PDE2A: variants seen among roughly 807,000 people sequenced by gnomAD.
PDE2A encodes the protein cGMP-dependent 3',5'-cyclic phosphodiesterase.
Under a neutral mutation model 133.6 loss-of-function variants are expected in PDE2A, and 53 were observed. That is an observed-to-expected ratio of 0.40 (90% CI 0.32 to 0.50). The LOEUF (loss-of-function observed/expected upper bound fraction) is 0.50, where lower values mean the gene tolerates loss of function less well. Ranked by LOEUF, PDE2A falls within the 20% of genes least tolerant of loss-of-function variation. The pLI, the probability that PDE2A is intolerant of heterozygous loss-of-function variation, is 0.73. For missense variants in PDE2A, 796 were observed against 1,232.4 expected (o/e 0.65, Z 5.30); for synonymous variants, 491 against 490.2 (o/e 1.00, Z -0.02).
In PDE2A at chr11:72,672,172, C is replaced by CT. The variant is rs34720752; in HGVS notation, c.71+1964dup. Among the ~76,000 whole-genome samples the CT allele has an allele frequency of 1.1e-3, 170 of 148,720 alleles. 1 individual carries two copies. The highest frequency in any genetic ancestry group is 3.7e-3 in the African/African-American group (151 of 40,418). ...GGCAGGTTTCTTTATTTTTCTTCTTCTTTTTTTTTTTCTTCTTTTGAGACA... is the reference window on the plus strand; with the variant it reads ...GGCAGGTTTCTTTATTTTTCTTCTTCTTTTTTTTTTTTCTTCTTTTGAGACA... On this transcript the variant is annotated intron_variant, in intron 1 of 30. Transcript: ENST00000334456.
chr11:72,584,503 C>T, intron 18 of PDE2A, 48 bp downstream of exon 18: 1 of 1,540,302 alleles, frequency 6.5e-7, no homozygotes, highest in Non-Finnish European at 8.8e-7. Flanking sequence ...CTCGGACCCG[C>T]CCCGCCCGGC....
At chr11:72,623,944 C>T (rs763012758) in intron 2 of PDE2A, among the ~76,000 whole-genome samples, 41 of 152,138 alleles carry the variant, frequency 2.7e-4, no homozygotes, top group African/African-American at 8.9e-4. Context: ...TCCCCTGCCA[C>T]GCACCATGCA....
At position 72,584,495 on chromosome 11, in the gene PDE2A, CG is replaced by C. The variant is rs747515313; in HGVS notation, c.1537+55del. On this transcript the variant is annotated intron_variant, in intron 18 of 30. Transcript: ENST00000334456. ...GGAAGTGTTGCCACCCCCGCTCGCT[CG>C]GACCCGCCCCGCCCGGCGCAGGCCC... The C allele has an allele frequency of 5.2e-6, 8 of 1,530,402 alleles. No homozygotes were observed. In the South Asian group the frequency reaches 8.4e-5, roughly 16 times the overall value. 94.8% of individuals were successfully genotyped at this position (1,530,402 alleles called of 1,614,324 possible).
intron 4 of PDE2A, among the ~76,000 whole-genome samples, chr11:72,599,593 T>C (rs1204127322): frequency 6.6e-6 from 1 of 152,128 alleles, no homozygotes; most frequent in Non-Finnish European, 1.5e-5. Context: ...TGGAGACACC[T>C]TTTCCCTGAA....
chr11:72,579,523 A>T lies in PDE2A; in HGVS notation c.2256+11T>A. ...CCCCCTCAATCCCCACCCCACCCCC[A>T]ACCCCATCACCTTCCGGGAGAAATG... On this transcript the variant is annotated intron_variant, in intron 26 of 30. Transcript: ENST00000334456. The T allele has an allele frequency of 1.0e-6, 1 of 973,748 alleles. No homozygotes were observed. The highest frequency in any genetic ancestry group is 1.5e-6 in the Non-Finnish European group (1 of 666,478). The allele number at this position is 973,748 out of a possible 1,614,324, so 60.3% of individuals were successfully genotyped here.
At chr11:72,618,619 G>A (rs932271118) in intron 2 of PDE2A, among the ~76,000 whole-genome samples, 53 of 152,294 alleles carry the variant, frequency 3.5e-4, no homozygotes, top group African/African-American at 1.3e-3. Context: ...CCCAGCTTTG[G>A]TTGTCTTTTC....
At chr11:72,596,781 A>T in intron 5 of PDE2A, 133 bp from the exon 6 acceptor site, 1 of 443,478 alleles carries the variant, frequency 2.3e-6, no homozygotes. Flanking sequence ...AGACCCCAAA[A>T]CCCACAGAAA....
At chr11:72,630,931 A>G in intron 2 of PDE2A, 1 of 643,054 alleles carries the variant, frequency 1.6e-6, no homozygotes, top group South Asian at 1.8e-5. Context: ...GTCTTGATAT[A>G]GGGGTGGTCC....
At chr11:72,600,640 CG>C (rs568090886) in intron 4 of PDE2A, among the ~76,000 whole-genome samples, 10 of 152,284 alleles carry the variant, frequency 6.6e-5, no homozygotes, top group African/African-American at 2.4e-4. Flanking sequence ...CTCAGACCCC[CG>C]ATAGCTCCTT....
rs1419178426 is a variant in PDE2A, at chr11:72,641,882, C to T, written c.144+372G>A. On this transcript the variant is annotated intron_variant, in intron 2 of 30. Coordinates refer to ENST00000334456, the MANE Select transcript of PDE2A (RefSeq NM_002599.5). ...GATGACAGCTGGGGGTTCAGGTGCT[C>T]CAGGTGTGCCGGGAGCCCCACATAT... Among the ~76,000 whole-genome samples the T allele has an allele frequency of 2.6e-5, 4 of 152,236 alleles. 1 individual carries two copies. Among genetic ancestry groups the T allele is most frequent in the Admixed American group, 2.6e-4 (4 of 15,300 alleles).
intron 19 of PDE2A, 21 bp downstream of exon 19, chr11:72,584,180 C>T (rs1371233758): frequency 1.6e-6 from 2 of 1,275,648 alleles, no homozygotes; most frequent in Non-Finnish European, 2.3e-6. Context: ...CCCCACACCC[C>T]ACTCCCAACC....
At chr11:72,667,590 C>T (rs115307962) in intron 1 of PDE2A, among the ~76,000 whole-genome samples, 92 of 152,214 alleles carry the variant, frequency 6.0e-4, no homozygotes, top group African/African-American at 1.9e-3. Context: ...TCAAACACAA[C>T]GAAGATTCAG....
At position 72,577,344 on chromosome 11, in the gene PDE2A, G is replaced by T; in HGVS notation, c.*40C>A. The T allele has an allele frequency of 2.0e-6, 3 of 1,503,354 alleles. No individual in the cohort carries two copies. Among genetic ancestry groups the T allele is most frequent in the Non-Finnish European group, 1.8e-6 (2 of 1,088,760 alleles). 93.1% of individuals were successfully genotyped at this position (1,503,354 alleles called of 1,614,324 possible). ...CATCTGGCCAGACCAGTGGAGGGCT[G>T]TGGGAGGTGGCCTGGGCAGGGAAGT... On this transcript the variant is annotated 3_prime_UTR_variant, in exon 31 of 31. Coordinates refer to ENST00000334456, the MANE Select transcript of PDE2A (RefSeq NM_002599.5).
In PDE2A at chr11:72,590,526, C is replaced by A; in HGVS notation, c.604G>T (p.Ala202Ser). 1 of 1,453,904 alleles carries A rather than the reference C, an allele frequency of 6.9e-7. No individual in the cohort carries two copies. The highest frequency in any genetic ancestry group is 1.9e-4 in the Middle Eastern group (1 of 5,284). The allele number at this position is 1,453,904 out of a possible 1,614,324, so 90.1% of individuals were successfully genotyped here. A position where few individuals can be genotyped will look rare whatever the true frequency, so the allele number is the denominator to read the frequency against. The change falls in exon 8 of 31, where the codon GCT becomes TCT. Residue 202 changes from alanine (A) to serine (S), a missense_variant. Transcript: ENST00000334456. This position sits in a 1 kb window ranked among gnomAD's most constrained non-coding sequence, Gnocchi z 4.8. ...GGGGGGTTCTGGACGGCTCGGGGAG[C>A]CTCCCTGGGCCCGCGCTGCTGCAGG... The part of the protein sequence containing the change: ...QVLQQRGPRE[A>S]PRAVQNPPEG...
chr11:72,620,416 A>T (rs1857700507), intron 2 of PDE2A, among the ~76,000 whole-genome samples: 1 of 151,768 alleles, frequency 6.6e-6, no homozygotes, highest in Non-Finnish European at 1.5e-5. Flanking sequence ...CCCCAGTTCC[A>T]CTCCCATTTT....
intron 1 of PDE2A, among the ~76,000 whole-genome samples, chr11:72,653,548 G>C (rs1267802507): frequency 6.6e-6 from 1 of 152,150 alleles, no homozygotes; most frequent in Non-Finnish European, 1.5e-5. Flanking sequence ...GTGGATAGAG[G>C]CATGACAGGA....
chr11:72,588,332 C>A (rs1591027314), intron 13 of PDE2A, among the ~76,000 whole-genome samples: 1 of 152,146 alleles, frequency 6.6e-6, no homozygotes, highest in South Asian at 2.1e-4. Context: ...GCCCTGCCCA[C>A]AAAAAAAGAG....
chr11:72,613,514 G>C (rs1393578736), intron 2 of PDE2A, among the ~76,000 whole-genome samples: 1 of 151,552 alleles, frequency 6.6e-6, no homozygotes, highest in Non-Finnish European at 1.5e-5. Flanking sequence ...TGCCTCCCCC[G>C]GCCGACGTCC....
At chr11:72,653,562 G>C (rs762748591) in intron 1 of PDE2A, among the ~76,000 whole-genome samples, 36 of 152,176 alleles carry the variant, frequency 2.4e-4, no homozygotes, top group Non-Finnish European at 4.7e-4. Context: ...GACAGGAGGA[G>C]ATAAGCCTGA....
Sources: gnomAD v4.1 joint callset for allele counts (sites outside exome capture counted in the v4.1 genomes callset) on GRCh38, gnomAD v4.1.1 for gene constraint, Gnocchi (gnomAD v3.1) non-coding constraint, MANE v1.5 for transcripts, NCBI Gene and HGNC (gene_info 2026-07-23, HGNC 2026-07-21) for gene names.